The following ZPLD1 variants were observed in gnomAD, a reference collection of about 807,000 sequenced individuals.
ZPLD1 encodes zona pellucida-like domain-containing protein 1.
ZPLD1 carries 34 observed loss-of-function variants against 47.2 expected under a neutral mutation model. The observed-to-expected ratio is 0.72, with a 90% CI of 0.55 to 0.96. The LOEUF (loss-of-function observed/expected upper bound fraction) is 0.96. ZPLD1 is among the 40% of genes least tolerant of loss of function. The pLI is 0.00. For missense variants in ZPLD1, 512 were observed against 505.8 expected (o/e 1.01, Z -0.12); for synonymous variants, 176 against 186.2 (o/e 0.95, Z 0.45).
At chr3:102,452,759 CTACTT>C (rs142823635) in intron 3 of ZPLD1, among the ~76,000 whole-genome samples, 155 bp from the exon 4 acceptor site, 4,992 of 152,226 alleles carry the variant, frequency 0.033, 96 homozygotes, top group South Asian at 0.053. Flanking sequence ...TTTTTCTTGT[CTACTT>C]TACTTAATAG....
At chr3:102,416,741 T>G (rs1706811734) in intron 7 of ZPLD1, among the ~76,000 whole-genome samples, 1 of 151,896 alleles carries the variant, frequency 6.6e-6, no homozygotes, top group Admixed American at 6.6e-5. Flanking sequence ...ACAAGACAGA[T>G]TATATTAAAG....
chr3:102,389,247 A>G (rs1037874569), intron 6 of ZPLD1, among the ~76,000 whole-genome samples: 4 of 152,186 alleles, frequency 2.6e-5, no homozygotes, highest in Admixed American at 6.5e-5. Context: ...TTCTTTTACA[A>G]TTAATTTGGT....
chr3:102,474,205 AT>A (rs1309274821), intron 10 of ZPLD1, among the ~76,000 whole-genome samples: 11 of 152,210 alleles, frequency 7.2e-5, no homozygotes, highest in African/African-American at 2.4e-4. Flanking sequence ...AAACTTCAAA[AT>A]GCTGAAAGTG....
chr3:102,402,085 A>G (rs1457090494), intron 7 of ZPLD1, among the ~76,000 whole-genome samples: 2 of 152,040 alleles, frequency 1.3e-5, no homozygotes, highest in African/African-American at 4.8e-5. Flanking sequence ...AAAAAATGCT[A>G]TATGTATTTT....
intron 8 of ZPLD1, among the ~76,000 whole-genome samples, chr3:102,465,058 T>C (rs991667207): frequency 1.3e-5 from 2 of 152,238 alleles, no homozygotes; most frequent in African/African-American, 4.8e-5. Flanking sequence ...CTGTTATTCT[T>C]ACATATCCTA....
chr3:102,397,470 C>T (rs1706571142), intron 7 of ZPLD1, among the ~76,000 whole-genome samples: 1 of 152,206 alleles, frequency 6.6e-6, no homozygotes, highest in East Asian at 1.9e-4. Context: ...AACAAGTCAA[C>T]CAGTACTGCC....
intron 6 of ZPLD1, chr3:102,385,331 CTT>C (rs1706413663): frequency 2.0e-5 from 3 of 152,290 alleles, no homozygotes; most frequent in Admixed American, 1.3e-4. Context: ...AGTGTGAAGA[CTT>C]TTGATTTTGA....
At chr3:102,472,530 T>G (rs1707700664) in intron 10 of ZPLD1, among the ~76,000 whole-genome samples, 2 of 126,082 alleles carry the variant, frequency 1.6e-5, no homozygotes, top group African/African-American at 5.8e-5. Context: ...AGACTCTGTC[T>G]CAAAAAAAAA....
intron 10 of ZPLD1, among the ~76,000 whole-genome samples, chr3:102,474,531 G>T (rs149350892): frequency 5.6e-4 from 85 of 152,076 alleles, no homozygotes; most frequent in Non-Finnish European, 8.8e-5. Flanking sequence ...ACTGTGAAAA[G>T]TAAAAAGGTC....
intron 7 of ZPLD1, 51 bp downstream of exon 7, chr3:102,462,429 A>AT (rs1707523322): frequency 7.8e-7 from 1 of 1,277,900 alleles, no homozygotes. Context: ...GACTGCCTAA[A>AT]TCCTCATGAG....
intron 7 of ZPLD1, among the ~76,000 whole-genome samples, chr3:102,412,284 C>T (rs1266898521): frequency 1.3e-5 from 2 of 151,722 alleles, no homozygotes; most frequent in African/African-American, 4.8e-5. Flanking sequence ...TAAAATTAAT[C>T]GTCATACTTG....
intron 7 of ZPLD1, among the ~76,000 whole-genome samples, chr3:102,463,234 C>A (rs1238259993): frequency 6.6e-6 from 1 of 152,104 alleles, no homozygotes; most frequent in Non-Finnish European, 1.5e-5. Context: ...ATGTATGTGC[C>A]TCATGGCTTT....
At chr3:102,438,374 TA>T in intron 2 of ZPLD1, 105 bp from the exon 3 acceptor site, 1 of 726,666 alleles carries the variant, frequency 1.4e-6, no homozygotes, top group Non-Finnish European at 2.4e-6. Context: ...TGCATGGATG[TA>T]AACTGCTTAT....
intron 8 of ZPLD1, 106 bp from the exon 9 acceptor site, chr3:102,468,858 C>A: frequency 9.5e-7 from 1 of 1,057,046 alleles, no homozygotes; most frequent in Non-Finnish European, 1.4e-6. Context: ...GTTCTGTTAG[C>A]TCTTAATGTA....
intron 8 of ZPLD1, among the ~76,000 whole-genome samples, chr3:102,424,867 A>T (rs1706923564): frequency 6.6e-6 from 1 of 152,150 alleles, no homozygotes; most frequent in African/African-American, 2.4e-5. Flanking sequence ...TCATTAACCA[A>T]TATTCTAGCA....
At chr3:102,400,953 C>A (rs375803327) in intron 7 of ZPLD1, among the ~76,000 whole-genome samples, 1 of 152,054 alleles carries the variant, frequency 6.6e-6, no homozygotes, top group Admixed American at 6.6e-5. Flanking sequence ...TATTTTCATT[C>A]CACATGAATT....
At chr3:102,396,995 A>G (rs956933454) in intron 7 of ZPLD1, among the ~76,000 whole-genome samples, 5 of 152,140 alleles carry the variant, frequency 3.3e-5, no homozygotes, top group African/African-American at 7.2e-5. Context: ...ATTGTATGAA[A>G]TAATGCAGGT....
intron 10 of ZPLD1, among the ~76,000 whole-genome samples, chr3:102,472,944 C>T (rs1045179182): frequency 3.3e-5 from 5 of 152,206 alleles, no homozygotes; most frequent in Non-Finnish European, 5.9e-5. Context: ...AATGGACTCA[C>T]AGTTTCACAT....
chr3:102,385,826 ATTTAGT>A (rs1706418679), intron 6 of ZPLD1, among the ~76,000 whole-genome samples: 1 of 152,222 alleles, frequency 6.6e-6, no homozygotes. Flanking sequence ...TGCAAGCATG[ATTTAGT>A]TTTAGTAGTA....
Sources: gnomAD v4.1 joint callset for allele counts (sites outside exome capture counted in the v4.1 genomes callset) on GRCh38, gnomAD v4.1.1 for gene constraint, MANE v1.5 for transcripts, NCBI Gene and HGNC (gene_info 2026-07-23, HGNC 2026-07-21) for gene names.